The following CHD6 variants were observed in gnomAD, a reference collection of about 807,000 sequenced individuals.
The protein encoded by CHD6 is chromodomain helicase DNA binding protein 6.
A neutral mutation model predicts 276.9 loss-of-function variants in CHD6; 50 were observed. That is an observed-to-expected ratio of 0.18 (90% CI 0.14 to 0.23). The LOEUF (loss-of-function observed/expected upper bound fraction) is 0.23, where lower values mean the gene tolerates loss of function less well. Among genes scored for constraint, CHD6 ranks in the 10% least tolerant of loss-of-function variants. CHD6 has a pLI of 1.00. For missense variants in CHD6, 2,564 were observed against 3,365.8 expected, an observed-to-expected ratio of 0.76 and a Z score of 5.89; for synonymous variants, 1,173 against 1,229.3, an observed-to-expected ratio of 0.95 and a Z score of 0.96.
At chr20:41,461,065 G>A (rs980848100) in intron 17 of CHD6, among the ~76,000 whole-genome samples, 10 of 152,184 alleles carry the variant, frequency 6.6e-5, no homozygotes, top group Non-Finnish European at 1.2e-4. Context: ...TCAATGCTCC[G>A]GTGGATTTTG....
chr20:41,479,366 T>C lies in CHD6; in HGVS notation c.2468+3943A>G, dbSNP rs1308808716. Among the ~76,000 whole-genome samples the C allele has an allele frequency of 3.3e-5, 5 of 152,134 alleles. No homozygotes were observed. The East Asian group carries it at 9.6e-4, about 29-fold the overall frequency. On this transcript the variant is annotated intron_variant, in intron 16 of 36. Transcript: ENST00000373233. ...GCAGGATGAATCCCAATGATCACAGTTAAACTGCTGAAAACCAAAAATTAA... is the reference window on the plus strand; with the variant it reads ...GCAGGATGAATCCCAATGATCACAGCTAAACTGCTGAAAACCAAAAATTAA...
chr20:41,556,307 C>CAGGAGA lies in CHD6; in HGVS notation c.-23-4948_-23-4947insTCTCCT, dbSNP rs1555806884. Among the ~76,000 whole-genome samples the CAGGAGA allele has an allele frequency of 2.6e-3, 283 of 108,902 alleles. 24 individuals are homozygous for CAGGAGA. The highest frequency in any genetic ancestry group is 0.01 in the African/African-American group (257 of 25,280). 71.4% of individuals were successfully genotyped at this position (108,902 alleles called of 152,430 possible). Reference sequence around the variant, plus strand: ...GAGGGAGAGGGAGACCGTGGGGAGACGGGAGAGGGAGAGGGCACCTTTTTT... The same window carrying CAGGAGA: ...GAGGGAGAGGGAGACCGTGGGGAGACAGGAGAGGGAGAGGGAGAGGGCACCTTTTTT... On this transcript the variant is annotated intron_variant, in intron 1 of 36. Transcript: ENST00000373233.
rs1776780695 is a variant in CHD6 at position 41,512,766 on chromosome 20, C to A, written c.852+80G>T. The A allele has an allele frequency of 1.8e-5, 28 of 1,530,024 alleles. No individual in the cohort carries two copies. In the East Asian group the frequency reaches 6.3e-4, roughly 35 times the overall value. The allele number at this position is 1,530,024 out of a possible 1,614,324, so 94.8% of individuals were successfully genotyped here. A position where few individuals can be genotyped will look rare whatever the true frequency, so the allele number is the denominator to read the frequency against. On this transcript the variant is annotated intron_variant, in intron 5 of 36. Transcript: ENST00000373233. Reference sequence around the variant, plus strand: ...TAAAATGATCTGACTTATGCTTTAGCAAAGGCCAAGAAACACGTCTGTCAT... The same window carrying A: ...TAAAATGATCTGACTTATGCTTTAGAAAAGGCCAAGAAACACGTCTGTCAT...
intron 8 of CHD6, chr20:41,496,707 T>G (rs1018216190): frequency 6.6e-6 from 1 of 152,222 alleles, no homozygotes; most frequent in Non-Finnish European, 1.5e-5. Flanking sequence ...GAATATGAAC[T>G]CTTGTTGCAT....
At chr20:41,521,772 C>T (rs748885947) in intron 3 of CHD6, among the ~76,000 whole-genome samples, 9 of 152,066 alleles carry the variant, frequency 5.9e-5, no homozygotes, top group South Asian at 2.1e-4. Context: ...ACGATGAGCC[C>T]GAAACATCCT....
At chr20:41,594,928 A>G (rs2045702821) in intron 1 of CHD6, among the ~76,000 whole-genome samples, 1 of 152,252 alleles carries the variant, frequency 6.6e-6, no homozygotes, top group Admixed American at 6.5e-5. Flanking sequence ...AGGTGCAGGT[A>G]GCACCCTTCT....
intron 1 of CHD6, among the ~76,000 whole-genome samples, chr20:41,581,878 A>G (rs2045544168): frequency 6.6e-6 from 1 of 152,212 alleles, no homozygotes; most frequent in Non-Finnish European, 1.5e-5. Context: ...TATTCCCTCA[A>G]AACCTTATTG....
chr20:41,471,646 C>T (rs2043055517), intron 17 of CHD6, among the ~76,000 whole-genome samples: 1 of 152,012 alleles, frequency 6.6e-6, no homozygotes, highest in Non-Finnish European at 1.5e-5. Context: ...TGCCATTCTC[C>T]TGCCTTAGTC....
At chr20:41,442,272 C>T (rs548851257) in intron 25 of CHD6, among the ~76,000 whole-genome samples, 1 of 151,606 alleles carries the variant, frequency 6.6e-6, no homozygotes, top group East Asian at 1.9e-4. Flanking sequence ...ATATGAGATC[C>T]CCTCTCTACA....
At chr20:41,492,993 G>A (rs1022778227) in intron 10 of CHD6, among the ~76,000 whole-genome samples, 17 of 152,232 alleles carry the variant, frequency 1.1e-4, no homozygotes, top group African/African-American at 3.1e-4. Context: ...CTTCTCAGGC[G>A]CCCTGGGAGA....
intron 1 of CHD6, among the ~76,000 whole-genome samples, chr20:41,560,679 T>C (rs904723234): frequency 1.3e-5 from 2 of 152,246 alleles, no homozygotes; most frequent in Middle Eastern, 6.8e-3. Flanking sequence ...GGGAAAGCTG[T>C]GTTTACTGAA....
At chr20:41,487,316 G>A (rs1046236761) in intron 14 of CHD6, among the ~76,000 whole-genome samples, 1 of 152,208 alleles carries the variant, frequency 6.6e-6, no homozygotes, top group African/African-American at 2.4e-5. Flanking sequence ...GATGAAGGAT[G>A]AGGGAAGCAA....
At chr20:41,507,588 G>A (rs866517864) in intron 5 of CHD6, among the ~76,000 whole-genome samples, 10 of 152,240 alleles carry the variant, frequency 6.6e-5, no homozygotes, top group South Asian at 2.1e-4. Context: ...GAGATTGTGC[G>A]TAAGTACGAT....
At chr20:41,422,252 T>C (rs2047218959) in intron 30 of CHD6, among the ~76,000 whole-genome samples, 173 bp from the exon 31 acceptor site, 1 of 152,134 alleles carries the variant, frequency 6.6e-6, no homozygotes, top group African/African-American at 2.4e-5. Flanking sequence ...TGGAAGGCTT[T>C]TATGAAACAA....
chr20:41,544,171 T>G (rs1292649092), intron 2 of CHD6, among the ~76,000 whole-genome samples: 5 of 151,662 alleles, frequency 3.3e-5, no homozygotes, highest in Non-Finnish European at 7.4e-5. Context: ...ACCCGGGAGG[T>G]GGAGGTTGCA....
Position 41,421,551 on chromosome 20 carries a change from T to A in CHD6, c.5084A>T (p.Asp1695Val). The stretch of plus-strand genomic sequence containing the variant: ...TAAGGACTCAGGCAGCAGACTTTCA[T>A]CATGGTTGATGGAAATGACATCCTG... ...KVQDVISINH[D>V]ESLLPESLES... is the part of the protein sequence containing the mutation. The change falls in exon 31 of 37, where the codon GAT (aspartate) becomes GTT (valine). Residue 1695 changes from aspartate to valine, a missense_variant. Coordinates refer to ENST00000373233, the MANE Select transcript of CHD6 (RefSeq NM_032221.5). 1 of 1,613,038 alleles carries A rather than the reference T, an allele frequency of 6.2e-7. No individual in the cohort carries two copies. The highest frequency in any genetic ancestry group is 8.5e-7 in the Non-Finnish European group (1 of 1,179,536).
chr20:41,480,805 A>AT (rs1409812835), intron 16 of CHD6, among the ~76,000 whole-genome samples: 1 of 152,214 alleles, frequency 6.6e-6, no homozygotes, highest in Admixed American at 6.5e-5. Flanking sequence ...ATAATTTTTC[A>AT]TTAAGTGTAA....
intron 17 of CHD6, among the ~76,000 whole-genome samples, chr20:41,462,918 A>G (rs1264099705): frequency 6.6e-6 from 1 of 152,174 alleles, no homozygotes; most frequent in Non-Finnish European, 1.5e-5. Context: ...ATTGCTAAAA[A>G]CCATTACCTA....
At chr20:41,613,097 A>G (rs1267223155) in intron 1 of CHD6, among the ~76,000 whole-genome samples, 1 of 152,182 alleles carries the variant, frequency 6.6e-6, no homozygotes, top group Non-Finnish European at 1.5e-5. Context: ...TGTTCTCTGT[A>G]AAATTTTTAG....
Sources: gnomAD v4.1 joint callset for allele counts (sites outside exome capture counted in the v4.1 genomes callset) on GRCh38, gnomAD v4.1.1 for gene constraint, MANE v1.5 for transcripts, NCBI Gene and HGNC (gene_info 2026-07-23, HGNC 2026-07-21) for gene names.